JMJD1C: variants seen among roughly 807,000 people sequenced by gnomAD.
JMJD1C encodes jumonji domain-containing protein 1C.
A neutral mutation model predicts 245.3 loss-of-function variants in JMJD1C; 31 were observed. That is an observed-to-expected ratio of 0.13 (90% CI 0.09 to 0.17). The LOEUF is 0.17. JMJD1C is among the 10% of genes least tolerant of loss of function. JMJD1C has a pLI of 1.00. For missense variants in JMJD1C, 2,691 were observed against 3,000.2 expected, an observed-to-expected ratio of 0.90 and a Z score of 2.41; for synonymous variants, 1,057 against 1,017.4, an observed-to-expected ratio of 1.04 and a Z score of -0.74.
intron 10 of JMJD1C, chr10:63,203,943 T>C (rs1362635652): frequency 2.0e-6 from 2 of 980,504 alleles, no homozygotes; most frequent in Admixed American, 6.2e-5. Context: ...AAGTAGATAA[T>C]CCATTAATAT....
At chr10:63,318,809 CTTCAT>C (rs1482936201) in intron 2 of JMJD1C, among the ~76,000 whole-genome samples, 3 of 152,004 alleles carry the variant, frequency 2.0e-5, no homozygotes, top group African/African-American at 7.3e-5. Context: ...ATCATCTTCA[CTTCAT>C]TTATCTCTTT....
At chr10:63,334,753 C>T (rs946328272) in intron 2 of JMJD1C, among the ~76,000 whole-genome samples, 27 of 149,462 alleles carry the variant, frequency 1.8e-4, no homozygotes, top group African/African-American at 5.6e-4. Context: ...CTCTGTCACC[C>T]AGGTTGGAGG....
At chr10:63,337,550 CAAGAAAAGAAAAGAA>C (rs200782668) in intron 2 of JMJD1C, among the ~76,000 whole-genome samples, 800 of 55,048 alleles carry the variant, frequency 0.015, 16 homozygotes, top group East Asian at 0.055. Context: ...GAGGAGAGGA[CAAGAAAAGAAAAGAA>C]AAGAAAAGAA....
chr10:63,320,458 G>A (rs1191250013), intron 2 of JMJD1C, among the ~76,000 whole-genome samples: 1 of 152,002 alleles, frequency 6.6e-6, no homozygotes, highest in Non-Finnish European at 1.5e-5. Context: ...GTATATAGAC[G>A]ATGTCAGCCC....
Position 63,463,479 on chromosome 10 carries a change from A to C in JMJD1C, c.168+2016T>G, listed in dbSNP as rs534139245. ...ACTGTGCCTAGCCTAATTTCATGTA[A>C]CTTAAAATCTACTCTGCAGTAATCA... is the stretch of plus-strand genomic sequence containing the variant. On this transcript the variant is annotated intron_variant, in intron 1 of 25. Coordinates refer to ENST00000399262, the MANE Select transcript of JMJD1C (RefSeq NM_032776.3). Among the ~76,000 whole-genome samples the C allele has an allele frequency of 6.5e-4, 99 of 152,280 alleles. 1 individual carries two copies. The highest frequency in any genetic ancestry group is 6.0e-3 in the South Asian group (29 of 4,828).
rs1418734051 is a variant in JMJD1C, at chr10:63,402,143, G to GA, written c.169-21662dup. Among the ~76,000 whole-genome samples the GA allele has an allele frequency of 3.3e-3, 473 of 144,552 alleles. 6 individuals carry two copies. The highest frequency in any genetic ancestry group is 9.8e-3 in the African/African-American group (384 of 39,136). The allele number at this position is 144,552 out of a possible 152,430, so 94.8% of individuals were successfully genotyped here. A position where few individuals can be genotyped will look rare whatever the true frequency, so the allele number is the denominator to read the frequency against. ...GAGCAAACTCCGTCTCAAAAAAAAA[G>GA]AAAAAAAAACAAAAAAAGTGGGCAG... On this transcript the variant is annotated intron_variant, in intron 1 of 25. Coordinates refer to ENST00000399262, the MANE Select transcript of JMJD1C (RefSeq NM_032776.3).
chr10:63,425,866 A>G (rs1950409559), intron 1 of JMJD1C, among the ~76,000 whole-genome samples: 1 of 152,218 alleles, frequency 6.6e-6, no homozygotes, highest in South Asian at 2.1e-4. Flanking sequence ...CAACGGAAAT[A>G]TATTCTATGT....
In JMJD1C at chr10:63,510,688, G is replaced by C. The variant is rs552718686; in HGVS notation, n.113+11050C>G. Among the ~76,000 whole-genome samples, 11 of 152,276 alleles carry C rather than the reference G, an allele frequency of 7.2e-5. 1 individual carries two copies. The South Asian group carries it at 2.1e-3, about 29-fold the overall frequency. On this transcript the variant is annotated intron_variant and non_coding_transcript_variant, in intron 1 of 3. Coordinates refer to the JMJD1C transcript ENST00000633035. ...CTGCTGTTATTTGAAGTAGTCTATA[G>C]ATGTCAATTATACCCAGTTGATTGA...
intron 3 of JMJD1C, among the ~76,000 whole-genome samples, chr10:63,262,552 T>C (rs1282439960): frequency 1.3e-5 from 2 of 152,212 alleles, no homozygotes; most frequent in African/African-American, 2.4e-5. Flanking sequence ...TAAGGTATGC[T>C]AGATCCCAAA....
At chr10:63,282,306 A>G (rs1857506344) in intron 2 of JMJD1C, among the ~76,000 whole-genome samples, 1 of 152,174 alleles carries the variant, frequency 6.6e-6, no homozygotes, top group Non-Finnish European at 1.5e-5. Flanking sequence ...CTATTTTTGC[A>G]TATTTAGAAG....
At chr10:63,397,049 AAC>A (rs1283474362) in intron 1 of JMJD1C, among the ~76,000 whole-genome samples, 2 of 141,804 alleles carry the variant, frequency 1.4e-5, no homozygotes, top group Admixed American at 1.4e-4. Context: ...TTTTTTCAGT[AAC>A]ACTCTATTTT....
At chr10:63,427,492 G>A in intron 1 of JMJD1C, 1 of 1,280,774 alleles carries the variant, frequency 7.8e-7, no homozygotes, top group Non-Finnish European at 1.1e-6. Flanking sequence ...GTCCCACTGG[G>A]CCAAGCAACT....
intron 2 of JMJD1C, among the ~76,000 whole-genome samples, chr10:63,368,693 T>C (rs1400839172): frequency 1.3e-5 from 2 of 152,076 alleles, no homozygotes; most frequent in East Asian, 1.9e-4. Flanking sequence ...AAATCTTTTT[T>C]TGTTTTGTTT....
intron 2 of JMJD1C, among the ~76,000 whole-genome samples, chr10:63,279,467 T>A (rs1857168806): frequency 6.6e-6 from 1 of 152,334 alleles, no homozygotes; most frequent in East Asian, 1.9e-4. Flanking sequence ...TCAAGTAGAA[T>A]GTACAGAAGC....
intron 1 of JMJD1C, among the ~76,000 whole-genome samples, chr10:63,439,269 AAAC>A (rs1172007424): frequency 3.3e-5 from 5 of 152,322 alleles, no homozygotes; most frequent in East Asian, 1.9e-4. Context: ...TTCTCTGTAG[AAAC>A]AACAGTAAGT....
At chr10:63,307,932 T>TC (rs1248356322) in intron 2 of JMJD1C, among the ~76,000 whole-genome samples, 1 of 151,960 alleles carries the variant, frequency 6.6e-6, no homozygotes, top group African/African-American at 2.4e-5. Flanking sequence ...GGCGGATCAC[T>TC]TGAGGTCAGG....
At chr10:63,410,134 G>A (rs970828698) in intron 1 of JMJD1C, among the ~76,000 whole-genome samples, 5 of 152,168 alleles carry the variant, frequency 3.3e-5, no homozygotes, top group Admixed American at 2.6e-4. Flanking sequence ...GAAAACTAAC[G>A]ACAAGCAGAC....
At chr10:63,319,722 T>C (rs1940609777) in intron 2 of JMJD1C, among the ~76,000 whole-genome samples, 1 of 152,182 alleles carries the variant, frequency 6.6e-6, no homozygotes, top group African/African-American at 2.4e-5. Flanking sequence ...AATTAACAAT[T>C]TTGTTCTTCA....
chr10:63,391,712 AT>A (rs1389314492), intron 1 of JMJD1C, among the ~76,000 whole-genome samples: 1 of 152,204 alleles, frequency 6.6e-6, no homozygotes, highest in Non-Finnish European at 1.5e-5. Context: ...TAAAATGATC[AT>A]ATTGTCTGAA....
Sources: allele counts gnomAD v4.1 joint callset (sites outside exome capture counted in the v4.1 genomes callset), GRCh38; gene constraint gnomAD v4.1.1; transcripts MANE v1.5; gene names NCBI Gene and HGNC (gene_info 2026-07-23, HGNC 2026-07-21).